Variants in HIP1 observed in about 807,000 individuals in gnomAD.
HIP1 encodes huntingtin-interacting protein 1.
A neutral mutation model predicts 147.6 loss-of-function variants in HIP1; 65 were observed. That is an observed-to-expected ratio of 0.44 (90% CI 0.36 to 0.54). The LOEUF (loss-of-function observed/expected upper bound fraction) is 0.54. Ranked by LOEUF, HIP1 falls within the 20% of genes least tolerant of loss-of-function variation. HIP1 has a pLI of 0.00. For missense variants in HIP1, 1,061 were observed against 1,299.6 expected, an observed-to-expected ratio of 0.82 and a Z score of 2.82; for synonymous variants, 479 against 504.0, an observed-to-expected ratio of 0.95 and a Z score of 0.67.
chr7:75,614,529 AGAGAGCTGACTGGT>A (rs1340623832), intron 1 of HIP1, among the ~76,000 whole-genome samples: 2 of 28,438 alleles, frequency 7.0e-5, no homozygotes, highest in Non-Finnish European at 5.4e-4. Flanking sequence ...CCATAGAGAC[AGAGAGCTGACTGGT>A]GGCCACTGGG....
intron 1 of HIP1, among the ~76,000 whole-genome samples, chr7:75,697,990 TA>T (rs869294797): frequency 1.3e-5 from 2 of 152,108 alleles, no homozygotes; most frequent in Non-Finnish European, 2.9e-5. Context: ...TTTTATAATT[TA>T]AAAAAATTTT....
chr7:75,556,019 G>A lies in HIP1; in HGVS notation c.1827+7C>T. On this transcript the variant is annotated splice_region_variant and intron_variant, in intron 18 of 30. Transcript: ENST00000336926. The stretch of plus-strand genomic sequence containing the variant: ...GGTGCTCGCTCGTGTCCATGTCCGT[G>A]ACTTGCCTCTGTGCTGGCCAGTTTG... 6.2e-7 allele frequency: 1 copy of A among 1,613,908 alleles called. No individual in the cohort carries two copies. The highest frequency in any genetic ancestry group is 8.5e-7 in the Non-Finnish European group (1 of 1,179,876).
At chr7:75,660,211 C>T (rs1314335911) in intron 1 of HIP1, among the ~76,000 whole-genome samples, 2 of 105,216 alleles carry the variant, frequency 1.9e-5, no homozygotes, top group Non-Finnish European at 3.8e-5. Context: ...AGATACGATA[C>T]GTGGTAAAAA....
chr7:75,721,967 A>C (rs947802351), intron 1 of HIP1, among the ~76,000 whole-genome samples: 1 of 152,210 alleles, frequency 6.6e-6, no homozygotes, highest in Non-Finnish European at 1.5e-5. Flanking sequence ...CAGGGCTGCT[A>C]CCTCACTAGT....
At chr7:75,699,492 C>T (rs781797080) in intron 1 of HIP1, among the ~76,000 whole-genome samples, 3 of 152,084 alleles carry the variant, frequency 2.0e-5, no homozygotes, top group Admixed American at 6.6e-5. Flanking sequence ...GGATAGAAAA[C>T]GGGGATGGTG....
rs1795490291 is a variant in HIP1 at position 75,568,396 on chromosome 7, T to C, written c.746-140A>G. On this transcript the variant is annotated intron_variant, in intron 8 of 30. Transcript: ENST00000336926. The surrounding 1 kb of genome is among the most constrained non-coding windows in gnomAD (Gnocchi z 4.1). ...CCAGGGGCCACGACTGGCCTAGAGC[T>C]GTCCCGAGGTCTGGTAACCAAGGGA... 6 of 674,220 alleles carry C rather than the reference T, an allele frequency of 8.9e-6. No individual in the cohort carries two copies. In the South Asian group the frequency reaches 9.3e-5, roughly 10 times the overall value. The allele number at this position is 674,220 out of a possible 1,614,324, so 41.8% of individuals were successfully genotyped here.
rs782805569 is a variant in HIP1, at chr7:75,547,003, T to C, written c.2495A>G (p.Gln832Arg). Residue 832 changes from glutamine (Q) to arginine (R), a missense_variant, in exon 25 of 31, where the codon CAA becomes CGA. Transcript: ENST00000336926. ...GGCCACGATGAGCACCTGAATAGCT[T>C]GCATGAGGCTGGTACAGCAACCAAG... ...RILGCCTSLM[Q>R]AIQVLIVASK... 2 of 1,586,620 alleles carry C rather than the reference T, an allele frequency of 1.3e-6. No individual in the cohort carries two copies. The highest frequency in any genetic ancestry group is 4.5e-5 in the East Asian group (2 of 44,306).
chr7:75,709,815 GGTT>G (rs1554520000), intron 1 of HIP1, among the ~76,000 whole-genome samples: 4 of 152,136 alleles, frequency 2.6e-5, no homozygotes. Flanking sequence ...GTCTGCTGTG[GGTT>G]GTTAATATAT....
At chr7:75,565,132 C>T (rs1187539869) in intron 9 of HIP1, among the ~76,000 whole-genome samples, 1 of 152,102 alleles carries the variant, frequency 6.6e-6, no homozygotes, top group Non-Finnish European at 1.5e-5. Context: ...AACGAAACCC[C>T]CAGGGTCTCG....
intron 1 of HIP1, among the ~76,000 whole-genome samples, chr7:75,616,732 A>G (rs1554506124): frequency 6.6e-6 from 1 of 152,196 alleles, no homozygotes; most frequent in Admixed American, 6.6e-5. Flanking sequence ...TAGGCAGGGC[A>G]GCCTATGAGG....
At chr7:75,727,845 C>CAAAA (rs1169732794) in intron 1 of HIP1, among the ~76,000 whole-genome samples, 1 of 67,296 alleles carries the variant, frequency 1.5e-5, no homozygotes, top group Admixed American at 1.7e-4. Flanking sequence ...GACTCCATCT[C>CAAAA]AAAAAAAAAA....
rs183839519 is a variant in HIP1, at chr7:75,563,453, C to T, written c.804-190G>A. 6.8e-6 allele frequency: 4 copies of T among 590,310 alleles called. No homozygotes were observed. The East Asian group carries it at 8.4e-5, about 12-fold the overall frequency. 36.6% of individuals were successfully genotyped at this position (590,310 alleles called of 1,614,324 possible). The stretch of plus-strand genomic sequence containing the variant: ...TTATTTAAAGCTGGTCCTCAGTGAC[C>T]TGCTGGTGAGGAAAGAGTAATTCAT... On this transcript the variant is annotated intron_variant, in intron 9 of 30. Transcript: ENST00000336926.
chr7:75,555,872 C>T (rs587644666), intron 18 of HIP1, among the ~76,000 whole-genome samples, 154 bp downstream of exon 18: 53 of 152,324 alleles, frequency 3.5e-4, no homozygotes, highest in Non-Finnish European at 5.6e-4. Context: ...AATGCAGGGC[C>T]TGCTGGCATT....
intron 29 of HIP1, 67 bp downstream of exon 29, chr7:75,541,851 TG>T (rs1554489948): frequency 5.1e-6 from 6 of 1,176,372 alleles, no homozygotes; most frequent in Non-Finnish European, 1.3e-6. Flanking sequence ...CTTTTCTCCA[TG>T]GGAATAATAT....
intron 1 of HIP1, among the ~76,000 whole-genome samples, chr7:75,636,465 T>C (rs1271273278): frequency 3.3e-5 from 5 of 152,182 alleles, no homozygotes; most frequent in Non-Finnish European, 7.3e-5. Context: ...AGGATGTTCC[T>C]GAAAGGCTGC....
Position 75,537,403 on chromosome 7 carries a change from G to T in HIP1, c.*769C>A. On this transcript the variant is annotated 3_prime_UTR_variant, in exon 31 of 31. Coordinates refer to ENST00000336926, the MANE Select transcript of HIP1 (RefSeq NM_005338.7). ...ACTTGGTCAGTGTGGAGGCGGAGATGGAGCACCGAGAGGCCTGGGCAGCAC... is the reference window on the plus strand; with the variant it reads ...ACTTGGTCAGTGTGGAGGCGGAGATTGAGCACCGAGAGGCCTGGGCAGCAC... 4.3e-6 allele frequency: 1 copy of T among 233,176 alleles called. No individual in the cohort carries two copies. The highest frequency in any genetic ancestry group is 2.2e-5 in the African/African-American group (1 of 45,338). 14.4% of individuals were successfully genotyped at this position (233,176 alleles called of 1,614,324 possible).
In HIP1 at chr7:75,738,900, G is replaced by T. The variant is rs1802114862; in HGVS notation, c.21C>A (p.Ser7=). ...GCAGTGGGTTGGGCACCTGCTTCAT[G>T]GAGCTGGCCATCCGATCCATGTCGC... MDRMAS[S]MKQVPNPLPK... The change falls in exon 1 of 31, where the codon TCC becomes TCA. Residue 7 remains serine, a synonymous_variant. Coordinates refer to ENST00000336926, the MANE Select transcript of HIP1 (RefSeq NM_005338.7). 3.2e-6 allele frequency: 5 copies of T among 1,558,524 alleles called. No individual in the cohort carries two copies. In the South Asian group the frequency reaches 5.9e-5, roughly 18 times the overall value.
rs985773871 is a variant in HIP1 at position 75,533,472 on chromosome 7, C to T, written c.*4700G>A. 1.3e-5 allele frequency: 3 copies of T among 232,148 alleles called. No homozygotes were observed. The allele number at this position is 232,148 out of a possible 1,614,324, so 14.4% of individuals were successfully genotyped here. ...AATGAAATTCATTTCAAGGAACTACCCTAATGGAAACCCAGGGGAAAGGTT... is the reference window on the plus strand; with the variant it reads ...AATGAAATTCATTTCAAGGAACTACTCTAATGGAAACCCAGGGGAAAGGTT... On this transcript the variant is annotated 3_prime_UTR_variant, in exon 31 of 31. Transcript: ENST00000336926.
At chr7:75,716,516 C>G (rs889051897) in intron 1 of HIP1, among the ~76,000 whole-genome samples, 13 of 145,478 alleles carry the variant, frequency 8.9e-5, no homozygotes, top group Non-Finnish European at 1.5e-4. Flanking sequence ...GCCACCGTGC[C>G]TGGACTTTTT....
Sources: allele counts gnomAD v4.1 joint callset (sites outside exome capture counted in the v4.1 genomes callset), GRCh38; gene constraint gnomAD v4.1.1; non-coding constraint Gnocchi (gnomAD v3.1); transcripts MANE v1.5; gene names NCBI Gene and HGNC (gene_info 2026-07-23, HGNC 2026-07-21).